Variants in CDH7 observed in about 807,000 individuals in gnomAD.
The protein encoded by CDH7 is cadherin-7.
A neutral mutation model predicts 71.8 loss-of-function variants in CDH7; 25 were observed. The ratio of observed to expected loss-of-function variants is 0.35; its 90% confidence interval spans 0.25 to 0.49. The LOEUF (loss-of-function observed/expected upper bound fraction) is 0.49. Ranked by LOEUF, CDH7 falls within the 20% of genes least tolerant of loss-of-function variation. CDH7 has a pLI of 0.99. For missense variants in CDH7, 862 were observed against 974.6 expected, an observed-to-expected ratio of 0.88 and a Z score of 1.54; for synonymous variants, 381 against 363.8, an observed-to-expected ratio of 1.05 and a Z score of -0.54.
chr18:65,831,819 A>T (rs1310638143), intron 6 of CDH7, among the ~76,000 whole-genome samples: 1 of 151,604 alleles, frequency 6.6e-6, no homozygotes, highest in East Asian at 1.9e-4. Flanking sequence ...GAAAAAAAAA[A>T]AAGATAAATT....
chr18:65,794,185 T>C (rs1910821847), intron 2 of CDH7, among the ~76,000 whole-genome samples: 1 of 152,116 alleles, frequency 6.6e-6, no homozygotes, highest in African/African-American at 2.4e-5. Context: ...TTTTTTCTTT[T>C]GTGGTAGTAT....
intron 4 of CDH7, 136 bp downstream of exon 4, chr18:65,814,740 C>G: frequency 1.5e-6 from 1 of 667,476 alleles, no homozygotes; most frequent in Non-Finnish European, 2.3e-6. Flanking sequence ...CTTTGGTAAG[C>G]ATGATATTAT....
At chr18:65,847,635 T>C (rs1912978311) in intron 7 of CDH7, among the ~76,000 whole-genome samples, 1 of 152,188 alleles carries the variant, frequency 6.6e-6, no homozygotes, top group South Asian at 2.1e-4. Flanking sequence ...TCTCTATGAA[T>C]CTGCTTTTTC....
At chr18:65,804,702 G>GTGTGTGTGTGTT (rs1471299503) in intron 2 of CDH7, among the ~76,000 whole-genome samples, 1 of 124,644 alleles carries the variant, frequency 8.0e-6, no homozygotes, top group Non-Finnish European at 1.6e-5. Flanking sequence ...TAACACACGT[G>GTGTGTGTGTGTT]TGTGTGTGTG....
At chr18:65,812,758 G>A (rs564670529) in intron 3 of CDH7, among the ~76,000 whole-genome samples, 26 of 152,114 alleles carry the variant, frequency 1.7e-4, no homozygotes, top group African/African-American at 6.0e-4. Context: ...AAAAAAATGT[G>A]TTATTGTACA....
At position 65,782,004 on chromosome 18, in the gene CDH7, T is replaced by C. The variant is rs930953783; in HGVS notation, c.210+18952T>C. 2.1e-4 allele frequency among the ~76,000 whole-genome samples: 12 copies of C among 57,958 alleles called. 2 individuals are homozygous for C. The highest frequency in any genetic ancestry group is 9.3e-4 in the African/African-American group (6 of 6,480). The allele number at this position is 57,958 out of a possible 152,430, so 38.0% of individuals were successfully genotyped here. On this transcript the variant is annotated intron_variant, in intron 2 of 11. Coordinates refer to ENST00000397968, the MANE Select transcript of CDH7 (RefSeq NM_004361.5). ...TCTCTCTCTTTCTCTCTTTCTCTCT[T>C]TCTCTCTTTCTCTCTCTCTTTCTCC... is the stretch of plus-strand genomic sequence containing the variant.
intron 7 of CDH7, among the ~76,000 whole-genome samples, chr18:65,857,317 TATAATAATAATA>T (rs4047847): frequency 0.024 from 3,126 of 131,880 alleles, 73 homozygotes; most frequent in East Asian, 0.055. Flanking sequence ...ACCCTGCATC[TATAATAATAATA>T]ATAATAATAA....
At chr18:65,770,012 A>T (rs1916496645) in intron 2 of CDH7, among the ~76,000 whole-genome samples, 2 of 152,286 alleles carry the variant, frequency 1.3e-5, no homozygotes, top group Middle Eastern at 3.4e-3. Context: ...CTCATTACAG[A>T]TGGGAATAAA....
intron 11 of CDH7, among the ~76,000 whole-genome samples, chr18:65,866,795 A>T (rs574503427): frequency 1.8e-3 from 276 of 152,230 alleles, no homozygotes; most frequent in Non-Finnish European, 3.1e-3. Context: ...TTATGGATGA[A>T]CTGCTTTCTG....
At chr18:65,822,818 T>C (rs1911983884) in intron 5 of CDH7, among the ~76,000 whole-genome samples, 1 of 151,806 alleles carries the variant, frequency 6.6e-6, no homozygotes, top group Admixed American at 6.6e-5. Flanking sequence ...GAAAACCAAA[T>C]GCCCTCAGTT....
intron 2 of CDH7, among the ~76,000 whole-genome samples, chr18:65,799,160 A>G (rs1911023278): frequency 1.3e-5 from 2 of 152,100 alleles, no homozygotes; most frequent in Admixed American, 1.3e-4. Flanking sequence ...GTGCCCAGAT[A>G]CTAACAGAAG....
At position 65,762,917 on chromosome 18, in the gene CDH7, T is replaced by A; in HGVS notation, c.75T>A (p.Ser25Arg). Residue 25 changes from serine (S) to arginine (R), a missense_variant, in exon 2 of 12, where the codon AGT becomes AGA. Physicochemically the swap from Ser to Arg is moderately radical, Grantham distance 110. Coordinates refer to ENST00000397968, the MANE Select transcript of CDH7 (RefSeq NM_004361.5). ...TTTTCCTGTGTTTTTCTGGGATGAG[T>A]CAAGCAGAACTCTCAAGGTCCAGAT... ...IALFLCFSGMSQAELSRSRSK... is the reference protein window; with the variant it reads ...IALFLCFSGMRQAELSRSRSK... 3 of 1,613,192 alleles carry A rather than the reference T, an allele frequency of 1.9e-6. No homozygotes were observed. The highest frequency in any genetic ancestry group is 1.7e-5 in the Admixed American group (1 of 59,920).
intron 6 of CDH7, among the ~76,000 whole-genome samples, chr18:65,830,883 G>A (rs1271874408): frequency 2.6e-5 from 4 of 151,210 alleles, no homozygotes; most frequent in Admixed American, 2.0e-4. Flanking sequence ...CTTAGTGATC[G>A]TTGCTTCACC....
At chr18:65,861,324 C>A (rs564959189) in intron 10 of CDH7, among the ~76,000 whole-genome samples, 106 of 33,446 alleles carry the variant, frequency 3.2e-3, no homozygotes, top group Non-Finnish European at 6.0e-3. Flanking sequence ...CTCAATTCAC[C>A]GTGTGTGTGT....
intron 6 of CDH7, among the ~76,000 whole-genome samples, chr18:65,829,220 C>T (rs907316768): frequency 1.3e-5 from 2 of 151,840 alleles, no homozygotes; most frequent in South Asian, 2.1e-4. Flanking sequence ...CCCGGGTTCA[C>T]GCCATTCTCC....
chr18:65,759,408 C>A (rs867144169), intron 1 of CDH7, among the ~76,000 whole-genome samples: 45 of 151,090 alleles, frequency 3.0e-4, no homozygotes, highest in Middle Eastern at 6.9e-3. Context: ...CCATGCCCGG[C>A]TAATTTTTTT....
At position 65,798,624 on chromosome 18, in the gene CDH7, G is replaced by C. The variant is rs144865789; in HGVS notation, c.211-11080G>C. Reference sequence around the variant, plus strand: ...AGGATTGGGCAGTAAAAGTTGTTGAGCAAAGCAGCCTAGGACTTGGCTGAC... The same window carrying C: ...AGGATTGGGCAGTAAAAGTTGTTGACCAAAGCAGCCTAGGACTTGGCTGAC... On this transcript the variant is annotated intron_variant, in intron 2 of 11. Coordinates refer to ENST00000397968, the MANE Select transcript of CDH7 (RefSeq NM_004361.5). Among the ~76,000 whole-genome samples, 1,071 of 152,310 alleles carry C rather than the reference G, an allele frequency of 7.0e-3. 12 individuals carry two copies. The highest frequency in any genetic ancestry group is 0.025 in the African/African-American group (1,028 of 41,566).
intron 10 of CDH7, among the ~76,000 whole-genome samples, chr18:65,861,327 GTGTGTGTGTGTT>G (rs796378394): frequency 2.9e-4 from 6 of 20,910 alleles, no homozygotes; most frequent in South Asian, 3.7e-3. Context: ...AATTCACCGT[GTGTGTGTGTGTT>G]TGTGTGTGTG....
chr18:65,849,339 T>TTTTTCTTTTC (rs71167161), intron 7 of CDH7, among the ~76,000 whole-genome samples: 40 of 82,796 alleles, frequency 4.8e-4, no homozygotes, highest in Middle Eastern at 7.4e-3. Context: ...TAGCCTTTCC[T>TTTTTCTTTTC]TTTTCTTTTC....
Sources: allele counts gnomAD v4.1 joint callset (sites outside exome capture counted in the v4.1 genomes callset), GRCh38; gene constraint gnomAD v4.1.1; transcripts MANE v1.5; gene names NCBI Gene and HGNC (gene_info 2026-07-23, HGNC 2026-07-21).